Variants in LPIN3 observed in about 807,000 individuals in gnomAD.
The protein encoded by LPIN3 is phosphatidate phosphatase LPIN3.
A neutral mutation model predicts 94.7 loss-of-function variants in LPIN3; 82 were observed. That is an observed-to-expected ratio of 0.87 (90% CI 0.72 to 1.04). The LOEUF (loss-of-function observed/expected upper bound fraction) is 1.04. Ranked by LOEUF, LPIN3 falls within the 50% of genes least tolerant of loss-of-function variation. The pLI is 0.00. For missense variants in LPIN3, 996 were observed against 1,090.5 expected, an observed-to-expected ratio of 0.91 and a Z score of 1.22; for synonymous variants, 418 against 443.3, an observed-to-expected ratio of 0.94 and a Z score of 0.72.
At position 41,357,418 on chromosome 20, in the gene LPIN3, C is replaced by A; in HGVS notation, c.2010C>A (p.Gly670=). The change falls in exon 16 of 20, where the codon GGC becomes GGA. Residue 670 remains glycine, a synonymous_variant. Coordinates refer to ENST00000373257, the MANE Select transcript of LPIN3 (RefSeq NM_022896.3). ...PQLGKDWTHQ[G]ITSLYHKIQL... ...TGGGGAAAGACTGGACACACCAGGG[C>A]ATCACCAGTCTCTATCACAAAATCC... The A allele has an allele frequency of 1.2e-6, 2 of 1,613,900 alleles. No individual in the cohort carries two copies. Among genetic ancestry groups the A allele is most frequent in the African/African-American group, 2.7e-5 (2 of 75,060 alleles).
Position 41,348,750 on chromosome 20 carries a change from G to T in LPIN3, c.420G>T (p.Gly140=). Residue 140 remains glycine, a synonymous_variant, in exon 4 of 20, where the codon GGG becomes GGT. Transcript: ENST00000373257. ...GLVMAGTAST[G]RRKRRRRRKP... ...TCATGGCAGGCACGGCCTCCACTGG[G>T]CGGAGGAAGAGGCGTCGCAGGAGGA... 2 of 1,613,570 alleles carry T rather than the reference G, an allele frequency of 1.2e-6. No homozygotes were observed. Among genetic ancestry groups the T allele is most frequent in the Non-Finnish European group, 1.7e-6 (2 of 1,179,814 alleles).
At chr20:41,354,948 G>A in intron 13 of LPIN3, 85 bp downstream of exon 13, 1 of 1,325,352 alleles carries the variant, frequency 7.5e-7, no homozygotes, top group Non-Finnish European at 1.0e-6. Flanking sequence ...GGAGGAGCCA[G>A]CACCCTGTCT....
At position 41,351,806 on chromosome 20, in the gene LPIN3, C is replaced by G; in HGVS notation, c.1103-15C>G. On this transcript the variant is annotated splice_polypyrimidine_tract_variant and intron_variant, in intron 7 of 19. Coordinates refer to ENST00000373257, the MANE Select transcript of LPIN3 (RefSeq NM_022896.3). The stretch of plus-strand genomic sequence containing the variant: ...CACATGTCAGCTCTACAGATATCCT[C>G]TCTTCAACTCTCAGGCTCCCCAAAG... 6.2e-7 allele frequency: 1 copy of G among 1,612,642 alleles called. No individual in the cohort carries two copies. The highest frequency in any genetic ancestry group is 8.5e-7 in the Non-Finnish European group (1 of 1,178,678).
In LPIN3 at chr20:41,347,652, G is replaced by A. The variant is rs2045832962; in HGVS notation, c.288+5G>A. On this transcript the variant is annotated splice_donor_5th_base_variant and intron_variant, in intron 3 of 19. Transcript: ENST00000373257. The stretch of plus-strand genomic sequence containing the variant: ...CAGGAGCTGGAGAGCGATGATGTGA[G>A]TCTGCCCTCCTAACAGCACCTGCCC... The A allele has an allele frequency of 1.9e-6, 3 of 1,611,780 alleles. No individual in the cohort carries two copies. The highest frequency in any genetic ancestry group is 2.5e-6 in the Non-Finnish European group (3 of 1,178,626).
Position 41,352,134 on chromosome 20 carries a change from A to C in LPIN3, c.1277A>C (p.His426Pro), listed in dbSNP as rs1569002694. Residue 426 changes from histidine (H) to proline (P), a missense_variant, in exon 9 of 20, where the codon CAT becomes CCT. By Grantham distance (77) the His-to-Pro change is moderately conservative (BLOSUM62 -2). Transcript: ENST00000373257. ...TCCCTGAGGGACCCCAACCCTGAAC[A>C]TGAACCTGAACCCACTCTGGACACA... ...QKSLRDPNPE[H>P]EPEPTLDTVD... is the part of the protein sequence containing the mutation. 1 of 1,614,224 alleles carries C rather than the reference A, an allele frequency of 6.2e-7. No homozygotes were observed. Among genetic ancestry groups the C allele is most frequent in the African/African-American group, 1.3e-5 (1 of 75,076 alleles).
Position 41,358,982 on chromosome 20 carries a change from G to A in LPIN3, c.*116G>A, listed in dbSNP as rs1438414394. The A allele has an allele frequency of 3.7e-6, 5 of 1,350,214 alleles. No homozygotes were observed. In the African/African-American group the frequency reaches 5.8e-5, roughly 16 times the overall value. 83.6% of individuals were successfully genotyped at this position (1,350,214 alleles called of 1,614,324 possible). A position where few individuals can be genotyped will look rare whatever the true frequency, so the allele number is the denominator to read the frequency against. On this transcript the variant is annotated 3_prime_UTR_variant, in exon 20 of 20. Coordinates refer to ENST00000373257, the MANE Select transcript of LPIN3 (RefSeq NM_022896.3). ...GGCAAACCCACTGAAGGGGAAGGAG[G>A]AGGCTGCAGGTTGGTTGGCAGCTAG...
intron 2 of LPIN3, 86 bp from the exon 3 acceptor site, chr20:41,347,466 G>A: frequency 1.6e-6 from 2 of 1,280,132 alleles, no homozygotes; most frequent in Non-Finnish European, 2.3e-6. Context: ...GGGCGGCAAG[G>A]AGCCACTGGA....
In LPIN3 at chr20:41,352,158, C is replaced by T; in HGVS notation, c.1301C>T (p.Thr434Ile). The change falls in exon 9 of 20, where the codon ACA (threonine) becomes ATA (isoleucine). Residue 434 changes from threonine to isoleucine, a missense_variant. By Grantham distance (89) the Thr-to-Ile change is moderately conservative (BLOSUM62 -1). Coordinates refer to ENST00000373257, the MANE Select transcript of LPIN3 (RefSeq NM_022896.3). ...PEHEPEPTLD[T>I]VDTIALSLCG... ...CATGAACCTGAACCCACTCTGGACA[C>T]AGTGGATACAATAGCACTGTCCCTC... The T allele has an allele frequency of 6.2e-7, 1 of 1,614,210 alleles. No individual in the cohort carries two copies. The highest frequency in any genetic ancestry group is 8.5e-7 in the Non-Finnish European group (1 of 1,180,020).
intron 6 of LPIN3, 31 bp from the exon 7 acceptor site, chr20:41,350,024 C>A: frequency 6.4e-7 from 1 of 1,568,232 alleles, no homozygotes. Context: ...CTTACCCTGG[C>A]CCACATCTTC....
At position 41,359,639 on chromosome 20, in the gene LPIN3, C is replaced by T. The variant is rs2046330294; in HGVS notation, c.*773C>T. On this transcript the variant is annotated 3_prime_UTR_variant, in exon 20 of 20. Coordinates refer to ENST00000373257, the MANE Select transcript of LPIN3 (RefSeq NM_022896.3). Reference sequence around the variant, plus strand: ...CCTTGTCTGGGAGCCAGGACTGTACCCTCCGAAGCCAGACATCACTGCCAA... The same window carrying T: ...CCTTGTCTGGGAGCCAGGACTGTACTCTCCGAAGCCAGACATCACTGCCAA... The T allele has an allele frequency of 6.6e-6, 1 of 152,298 alleles. No homozygotes were observed. The highest frequency in any genetic ancestry group is 1.5e-5 in the Non-Finnish European group (1 of 68,124). 9.4% of individuals were successfully genotyped at this position (152,298 alleles called of 1,614,324 possible). A position where few individuals can be genotyped will look rare whatever the true frequency, so the allele number is the denominator to read the frequency against.
At chr20:41,346,925 T>G (rs1285026432) in intron 2 of LPIN3, among the ~76,000 whole-genome samples, 3 of 152,042 alleles carry the variant, frequency 2.0e-5, no homozygotes, top group Non-Finnish European at 4.4e-5. Flanking sequence ...AAATAGTATA[T>G]CTAAGAGGCT....
chr20:41,352,819 T>A lies in LPIN3; in HGVS notation c.1479T>A (p.Ala493=), dbSNP rs1467399895. 1.9e-6 allele frequency: 3 copies of A among 1,614,226 alleles called. No homozygotes were observed. Among genetic ancestry groups the A allele is most frequent in the Middle Eastern group, 1.6e-4 (1 of 6,062 alleles). ...CTAGGCATTATAACTGGGCTGTGGC[T>A]GCCCCCATGATCCTCTCCCTGCAAG... ...INGKHYNWAV[A]APMILSLQAF... The change falls in exon 11 of 20, where the codon GCT becomes GCA. Residue 493 remains alanine (A), a synonymous_variant. Transcript: ENST00000373257.
Position 41,358,791 on chromosome 20 carries a change from G to T in LPIN3, c.2481G>T (p.Leu827=), listed in dbSNP as rs373956793. ...PPVARGPSTD[L]ANPEYSNFCY... ...TGGCCCGTGGCCCCAGCACAGACCT[G>T]GCCAACCCTGAATACAGTAACTTCT... Residue 827 remains leucine, a synonymous_variant, in exon 20 of 20, where the codon CTG becomes CTT. Transcript: ENST00000373257. The T allele has an allele frequency of 9.3e-6, 15 of 1,613,968 alleles. No homozygotes were observed. The highest frequency in any genetic ancestry group is 1.6e-4 in the Middle Eastern group (1 of 6,082).
intron 5 of LPIN3, among the ~76,000 whole-genome samples, 171 bp from the exon 6 acceptor site, chr20:41,349,603 G>A (rs1340623377): frequency 6.6e-6 from 1 of 151,172 alleles, no homozygotes; most frequent in African/African-American, 2.4e-5. Context: ...TTGTTGATTA[G>A]TATAAGTTAT....
At position 41,354,729 on chromosome 20, in the gene LPIN3, G is replaced by A; in HGVS notation, c.1612G>A (p.Ala538Thr). The change falls in exon 12 of 20, where the codon GCC becomes ACC. Residue 538 changes from alanine (A) to threonine (T), a missense_variant. Transcript: ENST00000373257. Reference protein sequence around the residue: ...WFSWRRRDFLAEERSAQKEKT... With the variant: ...WFSWRRRDFLTEERSAQKEKT... ...TTCCTGGCGACGCAGGGACTTCCTG[G>A]CCGAGGAGGTGGGTGGTCACAGTCG... 6.2e-7 allele frequency: 1 copy of A among 1,607,930 alleles called. No homozygotes were observed. The highest frequency in any genetic ancestry group is 1.1e-5 in the South Asian group (1 of 90,242).
intron 1 of LPIN3, among the ~76,000 whole-genome samples, chr20:41,343,884 A>G (rs1159967027): frequency 6.6e-6 from 1 of 152,152 alleles, no homozygotes; most frequent in Non-Finnish European, 1.5e-5. Context: ...ACATAGTGAG[A>G]CCCTGTCTCT....
chr20:41,350,179 G>T lies in LPIN3; in HGVS notation c.884G>T (p.Gly295Val). The part of the protein sequence containing the change: ...TSVAGGVDPL[G>V]LPIQQTEAGA... The stretch of plus-strand genomic sequence containing the variant: ...GTGGCTGGCGGCGTGGACCCTTTGG[G>T]ACTCCCAATCCAGCAAACAGAGGCT... The change falls in exon 7 of 20, where the codon GGA (glycine) becomes GTA (valine). Residue 295 changes from glycine (G) to valine (V), a missense_variant. Coordinates refer to ENST00000373257, the MANE Select transcript of LPIN3 (RefSeq NM_022896.3). 6.2e-7 allele frequency: 1 copy of T among 1,613,412 alleles called. No individual in the cohort carries two copies. Among genetic ancestry groups the T allele is most frequent in the Non-Finnish European group, 8.5e-7 (1 of 1,179,984 alleles).
At chr20:41,350,785 G>C (rs2045979524) in intron 7 of LPIN3, among the ~76,000 whole-genome samples, 1 of 152,224 alleles carries the variant, frequency 6.6e-6, no homozygotes. Flanking sequence ...ACTGAAAGCA[G>C]CTGGCGTGCC....
chr20:41,345,417 G>A (rs908747620), intron 1 of LPIN3, among the ~76,000 whole-genome samples: 1 of 152,222 alleles, frequency 6.6e-6, no homozygotes, highest in Admixed American at 6.5e-5. Context: ...CACCCGCTCA[G>A]CCAGCCCCAC....
Sources: gnomAD v4.1 joint callset for allele counts (sites outside exome capture counted in the v4.1 genomes callset) on GRCh38, gnomAD v4.1.1 for gene constraint, MANE v1.5 for transcripts, NCBI Gene and HGNC (gene_info 2026-07-23, HGNC 2026-07-21) for gene names.